ZNF438: variants seen among roughly 807,000 people sequenced by gnomAD.
ZNF438 encodes zinc finger protein 438.
ZNF438 carries 25 observed loss-of-function variants against 38.0 expected under a neutral mutation model. That is an observed-to-expected ratio of 0.66 (90% CI 0.48 to 0.92). The LOEUF (loss-of-function observed/expected upper bound fraction) is 0.92. Among genes scored for constraint, ZNF438 ranks in the 40% least tolerant of loss-of-function variants. ZNF438 has a pLI of 0.00. For missense variants in ZNF438, 1,007 were observed against 999.6 expected, an observed-to-expected ratio of 1.01 and a Z score of -0.10; for synonymous variants, 372 against 364.1, an observed-to-expected ratio of 1.02 and a Z score of -0.25.
At chr10:30,880,942 A>T (rs937237536) in intron 3 of ZNF438, among the ~76,000 whole-genome samples, 3 of 151,500 alleles carry the variant, frequency 2.0e-5, no homozygotes, top group African/African-American at 4.8e-5. Context: ...ATTACTGATT[A>T]AAAAAAAACA....
At chr10:30,944,413 A>G (rs1374627111) in intron 1 of ZNF438, among the ~76,000 whole-genome samples, 2 of 152,174 alleles carry the variant, frequency 1.3e-5, no homozygotes, top group African/African-American at 4.8e-5. Flanking sequence ...AGGTAAGAAT[A>G]AAAAAGTGAT....
chr10:30,871,823 A>T (rs2037458092), intron 4 of ZNF438, among the ~76,000 whole-genome samples: 1 of 152,228 alleles, frequency 6.6e-6, no homozygotes, highest in African/African-American at 2.4e-5. Flanking sequence ...GATTTGGGAA[A>T]TTAGTAGTAG....
At chr10:30,861,766 T>C (rs1229830191) in intron 4 of ZNF438, among the ~76,000 whole-genome samples, 1 of 113,348 alleles carries the variant, frequency 8.8e-6, no homozygotes, top group African/African-American at 2.8e-5. Flanking sequence ...ATTATGTTTG[T>C]TTTTAATACA....
chr10:30,930,982 T>G (rs2045628626), intron 2 of ZNF438, among the ~76,000 whole-genome samples: 1 of 152,150 alleles, frequency 6.6e-6, no homozygotes, highest in East Asian at 1.9e-4. Flanking sequence ...TCTCCTACTC[T>G]GTGAGACCCT....
At chr10:30,860,681 G>T (rs924090572) in intron 4 of ZNF438, among the ~76,000 whole-genome samples, 9 of 152,102 alleles carry the variant, frequency 5.9e-5, no homozygotes, top group African/African-American at 1.9e-4. Context: ...GTAAATTTTT[G>T]TATCCCAGTT....
At chr10:31,028,983 C>T (rs1392542419) in intron 1 of ZNF438, among the ~76,000 whole-genome samples, 2 of 152,222 alleles carry the variant, frequency 1.3e-5, no homozygotes, top group African/African-American at 4.8e-5. Flanking sequence ...CAAAAGCATG[C>T]TTTCTCTTCA....
intron 1 of ZNF438, among the ~76,000 whole-genome samples, chr10:31,005,574 C>G (rs974322149): frequency 6.6e-6 from 1 of 151,988 alleles, no homozygotes; most frequent in Non-Finnish European, 1.5e-5. Context: ...AAAGGGGTCT[C>G]GATGTCTAAT....
chr10:30,950,858 A>C (rs2048095889), intron 1 of ZNF438, among the ~76,000 whole-genome samples: 1 of 117,444 alleles, frequency 8.5e-6, no homozygotes, highest in Non-Finnish European at 1.8e-5. Context: ...AAATTATTCC[A>C]ATCAATAGAA....
intron 5 of ZNF438, among the ~76,000 whole-genome samples, chr10:30,847,626 C>T (rs991229160): frequency 1.3e-5 from 2 of 152,210 alleles, no homozygotes; most frequent in Non-Finnish European, 2.9e-5. Context: ...AGAAGAGCTG[C>T]GGCCCTTTGG....
intron 1 of ZNF438, among the ~76,000 whole-genome samples, chr10:31,009,245 T>C (rs1235142507): frequency 6.6e-6 from 1 of 152,200 alleles, no homozygotes; most frequent in Non-Finnish European, 1.5e-5. Flanking sequence ...ACTAGATAGA[T>C]TGTGTGTTGC....
At chr10:30,848,553 C>T in exon 5 of ZNF438, 1 of 1,613,778 alleles carries the variant, frequency 6.2e-7, no homozygotes, top group Non-Finnish European at 8.5e-7. Context: ...CCCTCCATGC[C>T]TCGCACACTC....
chr10:30,931,448 A>G (rs2045687031), intron 2 of ZNF438, among the ~76,000 whole-genome samples: 1 of 152,198 alleles, frequency 6.6e-6, no homozygotes, highest in African/African-American at 2.4e-5. Context: ...CACATCATTG[A>G]ATCTAAATGT....
chr10:31,030,603 T>A (rs1252678932), intron 1 of ZNF438, among the ~76,000 whole-genome samples: 1 of 152,196 alleles, frequency 6.6e-6, no homozygotes, highest in Non-Finnish European at 1.5e-5. Context: ...ACGAAGCTAG[T>A]TAACGAATAG....
rs1456898946 is a variant in ZNF438, at chr10:30,865,642, G to A, written c.37+11356C>T. Among the ~76,000 whole-genome samples, 3 of 152,184 alleles carry A rather than the reference G, an allele frequency of 2.0e-5. No homozygotes were observed. In the East Asian group the frequency reaches 5.8e-4, roughly 29 times the overall value. Reference sequence around the variant, plus strand: ...CAAGTCCTGCTCCTTTACTAAACTTGATAATATATCAGTGCTATGGTGTAA... The same window carrying A: ...CAAGTCCTGCTCCTTTACTAAACTTAATAATATATCAGTGCTATGGTGTAA... On this transcript the variant is annotated intron_variant, in intron 4 of 5. Coordinates refer to ENST00000413025, the Ensembl canonical transcript of ZNF438.
intron 1 of ZNF438, among the ~76,000 whole-genome samples, chr10:30,943,295 C>T (rs970446265): frequency 2.0e-5 from 3 of 151,834 alleles, no homozygotes; most frequent in African/African-American, 4.8e-5. Context: ...TGAATACAAA[C>T]ATTTGTGTGT....
At position 30,966,627 on chromosome 10, in the gene ZNF438, G is replaced by A. The variant is rs182325996; in HGVS notation, c.-191-24976C>T. Among the ~76,000 whole-genome samples the A allele has an allele frequency of 5.5e-5, 8 of 145,040 alleles. No homozygotes were observed. The East Asian group carries it at 6.1e-4, about 11-fold the overall frequency. On this transcript the variant is annotated intron_variant, in intron 1 of 5. Coordinates refer to ENST00000413025, the Ensembl canonical transcript of ZNF438. ...GGAGTTTGCAGTGAGCTGAGATTGC[G>A]CCACTGCACTCCAGCCTGGGCAACA...
At chr10:30,888,300 G>A (rs2040214000) in intron 3 of ZNF438, among the ~76,000 whole-genome samples, 1 of 150,150 alleles carries the variant, frequency 6.7e-6, no homozygotes, top group South Asian at 2.1e-4. Context: ...AAGAGCAAGA[G>A]AACCCAAATA....
In ZNF438 at chr10:30,959,582, CAA is replaced by C. The variant is rs760298159; in HGVS notation, c.-191-17933_-191-17932del. On this transcript the variant is annotated intron_variant, in intron 1 of 5. Coordinates refer to ENST00000413025, the Ensembl canonical transcript of ZNF438. Reference sequence around the variant, plus strand: ...TGAAACCCCGTCTCTACTAAAAATACAAAAAAAAAAAAAAAATTAGCCGGGCG... The same window carrying C: ...TGAAACCCCGTCTCTACTAAAAATACAAAAAAAAAAAAAATTAGCCGGGCG... Among the ~76,000 whole-genome samples the C allele has an allele frequency of 3.4e-4, 42 of 123,146 alleles. 4 individuals are homozygous for C. The highest frequency in any genetic ancestry group is 5.8e-4 in the Non-Finnish European group (32 of 54,888). The allele number at this position is 123,146 out of a possible 152,430, so 80.8% of individuals were successfully genotyped here.
chr10:31,002,831 A>G (rs1203043487), intron 1 of ZNF438, among the ~76,000 whole-genome samples: 2 of 152,244 alleles, frequency 1.3e-5, no homozygotes, highest in East Asian at 3.9e-4. Flanking sequence ...AAAGAATTAC[A>G]AAGTAGTATA....
Sources: gnomAD v4.1 joint callset for allele counts (sites outside exome capture counted in the v4.1 genomes callset) on GRCh38, gnomAD v4.1.1 for gene constraint, MANE v1.5 for transcripts, NCBI Gene and HGNC (gene_info 2026-07-23, HGNC 2026-07-21) for gene names.